The following TP53AIP1 variants were observed in gnomAD, a reference collection of about 807,000 sequenced individuals.
The protein encoded by TP53AIP1 is tumor protein p53 regulated apoptosis inducing protein 1, also known as p53-regulated apoptosis-inducing protein 1.
In TP53AIP1, 14 loss-of-function variants were observed where a neutral mutation model predicts 9.5. That is an observed-to-expected ratio of 1.47 (90% CI 0.97 to 2.30). TP53AIP1 has a LOEUF of 2.30. TP53AIP1 is among the 30% of genes most tolerant of loss of function. The pLI, the probability that TP53AIP1 is intolerant of heterozygous loss-of-function variation, is 0.00. For synonymous variants in TP53AIP1, 73 were observed against 61.2 expected (o/e 1.19, Z -0.90); for missense variants, 153 against 146.7 (o/e 1.04, Z -0.22).
intron 3 of TP53AIP1, chr11:128,936,152 G>C (rs1030274980): frequency 9.7e-7 from 1 of 1,034,672 alleles, no homozygotes; most frequent in South Asian, 3.8e-5. Context: ...GTCAGGATTT[G>C]AACCCAGACC....
Position 128,939,144 on chromosome 11 carries a change from A to C in TP53AIP1, c.-76-1250T>G, listed in dbSNP as rs959257242. Among the ~76,000 whole-genome samples the C allele has an allele frequency of 1.3e-5, 2 of 152,192 alleles. No homozygotes were observed. The highest frequency in any genetic ancestry group is 4.8e-5 in the African/African-American group (2 of 41,444). ...CCAATGCTGCACGTTACGAAAATGT[A>C]AAAGAACGAACACGGCTTCAATACC... On this transcript the variant is annotated intron_variant, in intron 1 of 3. Coordinates refer to ENST00000531399, the MANE Select transcript of TP53AIP1 (RefSeq NM_022112.3). This position sits in a 1 kb window ranked among gnomAD's most constrained non-coding sequence, Gnocchi z 4.1.
chr11:128,935,171 CAG>C (rs1279878371), downstream of TP53AIP1: 16 of 992,628 alleles, frequency 1.6e-5, no homozygotes, highest in Non-Finnish European at 2.4e-5. Context: ...TGGTTGGCAT[CAG>C]CAGCATCTGC....
In TP53AIP1 at chr11:128,935,969, A is replaced by G. The variant is rs1204579739; in HGVS notation, c.254-257T>C. ...AATATGCTAATGATAACAGTAAGAT[A>G]TGTAGGACATACTACGTACAGGTGC... On this transcript the variant is annotated intron_variant, in intron 3 of 3. Transcript: ENST00000531399. The G allele has an allele frequency of 4.5e-6, 5 of 1,118,392 alleles. No individual in the cohort carries two copies. The East Asian group carries it at 2.0e-4, about 46-fold the overall frequency. 69.3% of individuals were successfully genotyped at this position (1,118,392 alleles called of 1,614,324 possible). A position where few individuals can be genotyped will look rare whatever the true frequency, so the allele number is the denominator to read the frequency against.
chr11:128,940,301 C>G (rs999226135), intron 1 of TP53AIP1, among the ~76,000 whole-genome samples: 5 of 152,136 alleles, frequency 3.3e-5, no homozygotes, highest in African/African-American at 1.2e-4. Context: ...CTTTTGGCCC[C>G]GTCTCTGAGG....
At chr11:128,936,823 A>G (rs1334881134) in intron 2 of TP53AIP1, 174 bp from the exon 3 acceptor site, 25 of 1,425,204 alleles carry the variant, frequency 1.8e-5, no homozygotes, top group Non-Finnish European at 2.0e-5. Flanking sequence ...GACAGGAGGA[A>G]CAAAAGGCTC....
At chr11:128,938,950 C>T (rs1442645684) in intron 1 of TP53AIP1, among the ~76,000 whole-genome samples, 1 of 152,200 alleles carries the variant, frequency 6.6e-6, no homozygotes, top group Non-Finnish European at 1.5e-5. Context: ...GAGATTGTCG[C>T]TTCCCACCCT....
chr11:128,935,504 G>C lies in TP53AIP1; in HGVS notation c.*87C>G. The C allele has an allele frequency of 7.0e-7, 1 of 1,429,884 alleles. No individual in the cohort carries two copies. The highest frequency in any genetic ancestry group is 1.4e-5 in the South Asian group (1 of 70,162). 88.6% of individuals were successfully genotyped at this position (1,429,884 alleles called of 1,614,324 possible). A position where few individuals can be genotyped will look rare whatever the true frequency, so the allele number is the denominator to read the frequency against. On this transcript the variant is annotated 3_prime_UTR_variant, in exon 4 of 4. Transcript: ENST00000531399. ...GTCAGCGCTGGAGCCATTTCTCGACGGTGCTTTCTGTTTGTTTGTTTGTTT... is the reference window on the plus strand; with the variant it reads ...GTCAGCGCTGGAGCCATTTCTCGACCGTGCTTTCTGTTTGTTTGTTTGTTT...
intron 1 of TP53AIP1, among the ~76,000 whole-genome samples, chr11:128,940,074 G>A (rs1201769729): frequency 1.3e-5 from 2 of 152,116 alleles, no homozygotes; most frequent in Non-Finnish European, 2.9e-5. Context: ...ACAGGGCCCT[G>A]GGCAGCTACC....
chr11:128,937,608 G>A lies in TP53AIP1; in HGVS notation c.141+70C>T, dbSNP rs766720430. ...TGAAAACTTGGGATGTCGGCACCAC[G>A]GTGAGAGCAGAGTCTGCCCGGGGCT... On this transcript the variant is annotated intron_variant, in intron 2 of 3. Transcript: ENST00000531399. The surrounding 1 kb of genome is among the most constrained non-coding windows in gnomAD (Gnocchi z 4.8). 11 of 1,614,008 alleles carry A rather than the reference G, an allele frequency of 6.8e-6. No homozygotes were observed. Among genetic ancestry groups the A allele is most frequent in the South Asian group, 2.2e-5 (2 of 91,070 alleles).
intron 3 of TP53AIP1, 51 bp downstream of exon 3, chr11:128,936,487 T>C: frequency 6.7e-7 from 1 of 1,500,234 alleles, no homozygotes; most frequent in Non-Finnish European, 8.8e-7. Context: ...TCAAATCACT[T>C]AATTCTATCA....
At chr11:128,936,194 T>G (rs1944820005) in intron 3 of TP53AIP1, 1 of 1,069,728 alleles carries the variant, frequency 9.3e-7, no homozygotes, top group South Asian at 3.3e-5. Flanking sequence ...TCAACAGCTT[T>G]GCAGAAACTA....
chr11:128,937,740 C>T lies in TP53AIP1; in HGVS notation c.79G>A (p.Gly27Arg), dbSNP rs758240242. 3 of 1,614,128 alleles carry T rather than the reference C, an allele frequency of 1.9e-6. No homozygotes were observed. In the South Asian group the frequency reaches 3.3e-5, roughly 18 times the overall value. The change falls in exon 2 of 4, where the codon GGA (glycine) becomes AGA (arginine). Residue 27 changes from glycine (G) to arginine (R), a missense_variant. Gly to Arg is a moderately radical substitution (Grantham distance 125, BLOSUM62 -2). Coordinates refer to ENST00000531399, the MANE Select transcript of TP53AIP1 (RefSeq NM_022112.3). The surrounding 1 kb of genome is among the most constrained non-coding windows in gnomAD (Gnocchi z 4.8). Reference sequence around the variant, plus strand: ...GGCATCACCGAGAGGTTCTGGTCTCCCCTGCCCAGGCCCTGCCTCCTGGCC... The same window carrying T: ...GGCATCACCGAGAGGTTCTGGTCTCTCCTGCCCAGGCCCTGCCTCCTGGCC... ...SGARRQGLGR[G>R]DQNLSVMPPN... is the part of the protein sequence containing the mutation.
At chr11:128,936,895 G>C in intron 2 of TP53AIP1, 2 of 1,307,126 alleles carry the variant, frequency 1.5e-6, no homozygotes, top group Non-Finnish European at 1.9e-6. Context: ...TCAGCCCAAA[G>C]AACAGACATA....
intron 1 of TP53AIP1, among the ~76,000 whole-genome samples, chr11:128,940,950 C>T (rs755568328): frequency 3.2e-4 from 48 of 152,184 alleles, no homozygotes; most frequent in Non-Finnish European, 6.2e-4. Flanking sequence ...CACCTCCTAC[C>T]CATCCAGAGA....
At chr11:128,934,865 A>C (rs1046418328), downstream of TP53AIP1, 6 of 626,816 alleles carry the variant, frequency 9.6e-6, no homozygotes, top group African/African-American at 9.1e-5. Flanking sequence ...GGTCATGCCC[A>C]CTGGGGATCC....
chr11:128,936,393 A>G (rs950896421), intron 3 of TP53AIP1, 145 bp downstream of exon 3: 1 of 1,422,008 alleles, frequency 7.0e-7, no homozygotes, highest in Non-Finnish European at 9.1e-7. Flanking sequence ...CTCTGCCATG[A>G]TGTCATTTTG....
At chr11:128,935,188 G>A, downstream of TP53AIP1, 8 of 1,135,566 alleles carry the variant, frequency 7.0e-6, no homozygotes, top group Non-Finnish European at 1.0e-5. Context: ...ATCTGCTATA[G>A]ATGATCAAAC....
rs527569106 is a variant in TP53AIP1, at chr11:128,939,204, G to A, written c.-76-1310C>T. 2.7e-3 allele frequency among the ~76,000 whole-genome samples: 410 copies of A among 152,200 alleles called. No homozygotes were observed. Among genetic ancestry groups the A allele is most frequent in the African/African-American group, 9.3e-3 (386 of 41,528 alleles). Reference sequence around the variant, plus strand: ...CCCAAAGGTCACGTTCTTTCCCTGCGGCTCCCTTCCCCATCTGGTTCTGGG... The same window carrying A: ...CCCAAAGGTCACGTTCTTTCCCTGCAGCTCCCTTCCCCATCTGGTTCTGGG... On this transcript the variant is annotated intron_variant, in intron 1 of 3. Coordinates refer to ENST00000531399, the MANE Select transcript of TP53AIP1 (RefSeq NM_022112.3). The surrounding 1 kb of genome is among the most constrained non-coding windows in gnomAD (Gnocchi z 4.1).
Position 128,939,095 on chromosome 11 carries a change from T to C in TP53AIP1, c.-76-1201A>G, listed in dbSNP as rs1006213729. 6.6e-6 allele frequency among the ~76,000 whole-genome samples: 1 copy of C among 152,176 alleles called. No homozygotes were observed. Among genetic ancestry groups the C allele is most frequent in the Admixed American group, 6.5e-5 (1 of 15,288 alleles). ...AGTTCTCGCCCAATTTAACAAGCAC[T>C]AACCAAACTCAGAAGGCATTTACCC... On this transcript the variant is annotated intron_variant, in intron 1 of 3. Transcript: ENST00000531399. The surrounding 1 kb of genome is among the most constrained non-coding windows in gnomAD (Gnocchi z 4.1).
Sources: gnomAD v4.1 joint callset for allele counts (sites outside exome capture counted in the v4.1 genomes callset) on GRCh38, gnomAD v4.1.1 for gene constraint, Gnocchi (gnomAD v3.1) non-coding constraint, MANE v1.5 for transcripts, NCBI Gene and HGNC (gene_info 2026-07-23, HGNC 2026-07-21) for gene names.